TCF12: variants seen among roughly 807,000 people sequenced by gnomAD.
TCF12 encodes the protein DNA-binding protein HTF4.
A neutral mutation model predicts 86.0 loss-of-function variants in TCF12; 45 were observed. The observed-to-expected ratio is 0.52, with a 90% CI of 0.41 to 0.67. The LOEUF is 0.67. Ranked by LOEUF, TCF12 falls within the 30% of genes least tolerant of loss-of-function variation. The probability of loss-of-function intolerance (pLI) is 0.00; values close to 1 mark genes in which losing one functional copy is unlikely to be tolerated. For missense variants in TCF12, 881 were observed against 859.9 expected, an observed-to-expected ratio of 1.02 and a Z score of -0.31; for synonymous variants, 330 against 299.6, an observed-to-expected ratio of 1.10 and a Z score of -1.05.
intron 3 of TCF12, among the ~76,000 whole-genome samples, chr15:57,011,004 C>T (rs1271705992): frequency 2.0e-5 from 3 of 152,012 alleles, no homozygotes; most frequent in African/African-American, 7.2e-5. Flanking sequence ...TGAGGTGGGA[C>T]TTTGAGTTTG....
chr15:57,158,157 T>C (rs1281388699), intron 5 of TCF12, among the ~76,000 whole-genome samples: 1 of 150,690 alleles, frequency 6.6e-6, no homozygotes, highest in African/African-American at 2.4e-5. Context: ...GAATACTTCA[T>C]CACAGATGTT....
intron 8 of TCF12, among the ~76,000 whole-genome samples, chr15:57,229,798 A>AT (rs2059048932): frequency 6.6e-6 from 1 of 151,926 alleles, no homozygotes; most frequent in African/African-American, 2.4e-5. Context: ...CAGTCTCCTC[A>AT]TGCAAGTAGT....
At chr15:56,999,919 T>C (rs72749491) in intron 3 of TCF12, among the ~76,000 whole-genome samples, 27,751 of 151,928 alleles carry the variant, frequency 0.18, 3,009 homozygotes, top group Non-Finnish European at 0.24. Flanking sequence ...AAAAGAAATA[T>C]TAAACTCCTG....
Position 57,232,807 on chromosome 15 carries a change from C to T in TCF12, c.921C>T (p.Tyr307=), listed in dbSNP as rs766256047. 3.1e-6 allele frequency: 5 copies of T among 1,612,416 alleles called. No homozygotes were observed. The highest frequency in any genetic ancestry group is 3.3e-5 in the Admixed American group (2 of 59,744). Residue 307 remains tyrosine (Y), a synonymous_variant, in exon 11 of 21, where the codon TAC becomes TAT. Transcript: ENST00000333725. The stretch of plus-strand genomic sequence containing the variant: ...GCGGCAGTACCAGCAGTTCACCTTA[C>T]GTTGCTGCCTCACACACTCCTCCCA... The part of the protein sequence containing the change: ...FHRGSTSSSP[Y]VAASHTPPIN...
chr15:57,160,995 CT>C (rs1476241666), intron 5 of TCF12, among the ~76,000 whole-genome samples: 7 of 152,068 alleles, frequency 4.6e-5, no homozygotes, highest in Admixed American at 1.3e-4. Flanking sequence ...CGGCCAGAAG[CT>C]TGTGTCTTAC....
intron 18 of TCF12, among the ~76,000 whole-genome samples, chr15:57,265,345 T>G (rs535246475): frequency 1.9e-4 from 29 of 152,062 alleles, no homozygotes; most frequent in African/African-American, 6.5e-4. Context: ...AATGTGCGTA[T>G]TAGGTTGAGT....
chr15:56,950,650 T>C (rs1728941606), intron 3 of TCF12, among the ~76,000 whole-genome samples: 1 of 152,152 alleles, frequency 6.6e-6, no homozygotes, highest in South Asian at 2.1e-4. Flanking sequence ...TTAATTGTAA[T>C]TCATATATCA....
At chr15:56,963,724 A>G (rs1820409206) in intron 3 of TCF12, among the ~76,000 whole-genome samples, 1 of 152,214 alleles carries the variant, frequency 6.6e-6, no homozygotes, top group South Asian at 2.1e-4. Context: ...ATTTTTAAGT[A>G]ATCTTTGTTC....
intron 3 of TCF12, among the ~76,000 whole-genome samples, chr15:57,022,722 A>C (rs1204926407): frequency 1.3e-5 from 2 of 152,142 alleles, no homozygotes; most frequent in Non-Finnish European, 2.9e-5. Flanking sequence ...CATCCTCTCC[A>C]GCATCTGTTG....
chr15:57,093,211 T>A (rs1265569068), intron 5 of TCF12, among the ~76,000 whole-genome samples: 1 of 152,234 alleles, frequency 6.6e-6, no homozygotes, highest in East Asian at 1.9e-4. Flanking sequence ...AATAAATTAT[T>A]TGGCTAGGGA....
intron 3 of TCF12, among the ~76,000 whole-genome samples, chr15:57,057,079 T>C (rs1746013279): frequency 1.3e-5 from 2 of 152,250 alleles, no homozygotes; most frequent in Admixed American, 1.3e-4. Context: ...TTGGTTAGAC[T>C]CATAGCAAAA....
chr15:56,938,973 G>T (rs552392912), intron 3 of TCF12, among the ~76,000 whole-genome samples: 1 of 152,126 alleles, frequency 6.6e-6, no homozygotes, highest in African/African-American at 2.4e-5. Flanking sequence ...ATCTGATGGA[G>T]ACTTACCTTA....
chr15:57,262,845 A>C (rs1298352595), intron 17 of TCF12, among the ~76,000 whole-genome samples: 1 of 152,196 alleles, frequency 6.6e-6, no homozygotes, highest in Non-Finnish European at 1.5e-5. Flanking sequence ...ATCCTTGTTC[A>C]TTTGTTAAAT....
intron 3 of TCF12, among the ~76,000 whole-genome samples, chr15:56,927,475 T>G (rs1045063367): frequency 6.6e-6 from 1 of 152,252 alleles, no homozygotes; most frequent in Non-Finnish European, 1.5e-5. Context: ...TTTGTTTCAC[T>G]TAATCTTCTA....
chr15:57,072,791 C>T, intron 4 of TCF12: 1 of 1,010,944 alleles, frequency 9.9e-7, no homozygotes, highest in Non-Finnish European at 1.3e-6. Flanking sequence ...TCTGAATGTT[C>T]TGAATGTGAA....
chr15:56,984,806 C>A (rs1293884789), intron 3 of TCF12, among the ~76,000 whole-genome samples: 1 of 152,054 alleles, frequency 6.6e-6, no homozygotes, highest in Non-Finnish European at 1.5e-5. Context: ...AAGGCCAGAC[C>A]ATAGGGATTA....
At chr15:57,132,620 C>T (rs886607289) in intron 5 of TCF12, among the ~76,000 whole-genome samples, 19 of 152,176 alleles carry the variant, frequency 1.2e-4, no homozygotes, top group African/African-American at 4.1e-4. Context: ...TGGTTAAACA[C>T]GTGTGTGCCC....
intron 12 of TCF12, among the ~76,000 whole-genome samples, chr15:57,239,470 C>T (rs1455269714): frequency 1.4e-5 from 2 of 142,476 alleles, no homozygotes; most frequent in African/African-American, 2.5e-5. Context: ...GAGCCGAGAT[C>T]GTGCCACTGC....
intron 3 of TCF12, among the ~76,000 whole-genome samples, chr15:57,006,902 T>A (rs549991390): frequency 6.6e-6 from 1 of 151,912 alleles, no homozygotes; most frequent in Non-Finnish European, 1.5e-5. Flanking sequence ...GGTGACAGAG[T>A]GAGACCTCAT....
Sources: gnomAD v4.1 joint callset for allele counts (sites outside exome capture counted in the v4.1 genomes callset) on GRCh38, gnomAD v4.1.1 for gene constraint, MANE v1.5 for transcripts, NCBI Gene and HGNC (gene_info 2026-07-23, HGNC 2026-07-21) for gene names.